ERICH6B: variants seen among roughly 807,000 people sequenced by gnomAD.
The protein encoded by ERICH6B is glutamate-rich protein 6B.
Under a neutral mutation model 80.0 loss-of-function variants are expected in ERICH6B, and 69 were observed. That is an observed-to-expected ratio of 0.86 (90% CI 0.71 to 1.05). The LOEUF is 1.05. ERICH6B is among the 50% of genes least tolerant of loss of function. ERICH6B has a pLI of 0.00. For missense variants in ERICH6B, 754 were observed against 796.1 expected (o/e 0.95, Z 0.64); for synonymous variants, 283 against 291.9 (o/e 0.97, Z 0.31).
At chr13:45,550,147 C>A in intron 12 of ERICH6B, 84 bp downstream of exon 12, 1 of 1,531,618 alleles carries the variant, frequency 6.5e-7, no homozygotes, top group South Asian at 1.2e-5. Context: ...ACACCTCAGT[C>A]AAACCCCTTA....
chr13:45,610,296 A>G (rs889096383), intron 1 of ERICH6B, among the ~76,000 whole-genome samples: 1 of 152,068 alleles, frequency 6.6e-6, no homozygotes, highest in African/African-American at 2.4e-5. Context: ...AAGTAACTCA[A>G]CAAGCAGGAG....
At chr13:45,561,934 C>T (rs17066911) in intron 10 of ERICH6B, among the ~76,000 whole-genome samples, 2,400 of 152,060 alleles carry the variant, frequency 0.016, 54 homozygotes, top group African/African-American at 0.047. Context: ...AAAAAACAGG[C>T]GAAAGTCAGG....
At chr13:45,611,758 A>G (rs1047498484) in intron 1 of ERICH6B, among the ~76,000 whole-genome samples, 3 of 152,214 alleles carry the variant, frequency 2.0e-5, no homozygotes, top group Non-Finnish European at 4.4e-5. Flanking sequence ...GAGACTGACT[A>G]TTGGGCAGAT....
intron 11 of ERICH6B, chr13:45,552,720 G>A (rs1874270234): frequency 1.3e-5 from 2 of 152,248 alleles, no homozygotes; most frequent in Non-Finnish European, 2.9e-5. Context: ...ATATTCCAGG[G>A]AAATAGAGAT....
intron 14 of ERICH6B, among the ~76,000 whole-genome samples, chr13:45,542,245 G>C (rs2985997): frequency 0.61 from 92,403 of 152,114 alleles, 30,091 homozygotes; most frequent in African/African-American, 0.84. Flanking sequence ...TGCTCCATTC[G>C]TATGCGTATG....
Position 45,596,986 on chromosome 13 carries a change from T to A in ERICH6B, c.20A>T (p.Gln7Leu), listed in dbSNP as rs1200089013. The A allele has an allele frequency of 3.2e-6, 5 of 1,545,718 alleles. No homozygotes were observed. Among genetic ancestry groups the A allele is most frequent in the Non-Finnish European group, 4.4e-6 (5 of 1,143,154 alleles). The change falls in exon 3 of 15, where the codon CAG (glutamine) becomes CTG (leucine). Residue 7 changes from glutamine (Q) to leucine (L), a missense_variant. Transcript: ENST00000298738. The stretch of plus-strand genomic sequence containing the variant: ...GTGAGGAGGTGATGCTCCTGATAAC[T>A]GATTATTTTCAGCAGACATGCTGGG... MSAENN[Q>L]LSGASPPHPP...
At chr13:45,561,669 G>A in intron 10 of ERICH6B, 143 bp from the exon 11 acceptor site, 1 of 849,242 alleles carries the variant, frequency 1.2e-6, no homozygotes, top group Non-Finnish European at 1.8e-6. Flanking sequence ...AAGGCTGTCG[G>A]GTAGTGGGAA....
rs369115067 is a variant in ERICH6B at position 45,590,681 on chromosome 13, A to G, written c.654T>C (p.Tyr218=). 5.4e-4 allele frequency: 831 copies of G among 1,551,666 alleles called. 3 individuals are homozygous for G. The highest frequency in any genetic ancestry group is 3.8e-3 in the Middle Eastern group (23 of 5,994). The change falls in exon 4 of 15, where the codon TAT becomes TAC. Residue 218 remains tyrosine, a synonymous_variant. Coordinates refer to ENST00000298738, the MANE Select transcript of ERICH6B (RefSeq NM_182542.3). ...KKYLKEPKAS[Y]SSQTMLLRDA... is the part of the protein sequence containing the mutation. Reference sequence around the variant, plus strand: ...CACGAAGAAGCATGGTTTGTGATGAATAACTTGCCTTGGGTTCTATTGGAA... The same window carrying G: ...CACGAAGAAGCATGGTTTGTGATGAGTAACTTGCCTTGGGTTCTATTGGAA...
intron 8 of ERICH6B, among the ~76,000 whole-genome samples, chr13:45,573,614 T>A (rs919709974): frequency 6.6e-6 from 1 of 152,202 alleles, no homozygotes; most frequent in Admixed American, 6.5e-5. Flanking sequence ...AATCCTTTAG[T>A]AGCAAAGTCC....
At chr13:45,604,817 C>T (rs1949847920) in intron 2 of ERICH6B, among the ~76,000 whole-genome samples, 2 of 152,032 alleles carry the variant, frequency 1.3e-5, no homozygotes, top group Admixed American at 6.6e-5. Flanking sequence ...TCCTAGCTCA[C>T]GTGGGAGGCT....
chr13:45,557,845 A>G lies in ERICH6B; in HGVS notation c.1407+3524T>C, dbSNP rs112372536. Among the ~76,000 whole-genome samples, 961 of 152,232 alleles carry G rather than the reference A, an allele frequency of 6.3e-3. 12 individuals are homozygous for G. Among genetic ancestry groups the G allele is most frequent in the African/African-American group, 0.022 (909 of 41,524 alleles). The stretch of plus-strand genomic sequence containing the variant: ...TTTGGTGACTATGGCCTCATAGTAT[A>G]GTTTGAAATCAGGTAATGTGATGCC... On this transcript the variant is annotated intron_variant, in intron 11 of 14. Coordinates refer to ENST00000298738, the MANE Select transcript of ERICH6B (RefSeq NM_182542.3).
At chr13:45,611,338 T>C (rs1454606998) in intron 1 of ERICH6B, among the ~76,000 whole-genome samples, 1 of 152,214 alleles carries the variant, frequency 6.6e-6, no homozygotes. Flanking sequence ...AAACAGAGCT[T>C]TCTTTAATAA....
At chr13:45,610,407 A>G (rs1170398253) in intron 1 of ERICH6B, among the ~76,000 whole-genome samples, 6 of 152,096 alleles carry the variant, frequency 3.9e-5, no homozygotes, top group African/African-American at 1.4e-4. Flanking sequence ...ATCTTTGAAA[A>G]TCCCTAACTT....
chr13:45,602,299 G>T (rs886418322), intron 2 of ERICH6B, among the ~76,000 whole-genome samples: 3 of 152,154 alleles, frequency 2.0e-5, no homozygotes, highest in African/African-American at 7.2e-5. Flanking sequence ...TGCTTTGTTT[G>T]CCCAGAGAGA....
At chr13:45,565,724 A>G (rs551101273) in intron 9 of ERICH6B, among the ~76,000 whole-genome samples, 1 of 152,318 alleles carries the variant, frequency 6.6e-6, no homozygotes, top group Admixed American at 6.5e-5. Flanking sequence ...TGGAACTGTA[A>G]GTCCACTAAA....
rs200372006 is a variant in ERICH6B, at chr13:45,593,588, AGTCACTT to A, written c.637+2774_637+2780del. Reference sequence around the variant, plus strand: ...AGACAACCAAGACATGGAGAGGTTAAGTCACTTGCCCAAGCTCATGCAACTAGTGAAA... The same window carrying A: ...AGACAACCAAGACATGGAGAGGTTAAGCCCAAGCTCATGCAACTAGTGAAA... On this transcript the variant is annotated intron_variant, in intron 3 of 14. Coordinates refer to ENST00000298738, the MANE Select transcript of ERICH6B (RefSeq NM_182542.3). 2.8e-3 allele frequency among the ~76,000 whole-genome samples: 425 copies of A among 152,294 alleles called. 5 individuals are homozygous for A. The East Asian group carries it at 0.031, about 11-fold the overall frequency.
rs1593325200 is a variant in ERICH6B, at chr13:45,596,899, A to G, written c.107T>C (p.Val36Ala). ...NLPSEKEDTE[V>A]ELDEESLQDE... Reference sequence around the variant, plus strand: ...CTGTAGACTTTCCTCATCTAGTTCTACTTCAGTATCCTCTTTCTCTGAAGG... The same window carrying G: ...CTGTAGACTTTCCTCATCTAGTTCTGCTTCAGTATCCTCTTTCTCTGAAGG... The change falls in exon 3 of 15, where the codon GTA (valine) becomes GCA (alanine). Residue 36 changes from valine (V) to alanine (A), a missense_variant. Physicochemically the swap from Val to Ala is moderately conservative, Grantham distance 64. Transcript: ENST00000298738. 6.4e-7 allele frequency: 1 copy of G among 1,551,776 alleles called. No individual in the cohort carries two copies. Among genetic ancestry groups the G allele is most frequent in the East Asian group, 2.4e-5 (1 of 40,912 alleles).
In ERICH6B at chr13:45,550,335, C is replaced by G; in HGVS notation, c.1408-19G>C. On this transcript the variant is annotated intron_variant, in intron 11 of 14. Transcript: ENST00000298738. ...GATGCACCTGGGAAGAAAAGACAAG[C>G]CTATGAAAAGTGTGAAAAGTACATG... is the stretch of plus-strand genomic sequence containing the variant. The G allele has an allele frequency of 6.5e-7, 1 of 1,546,012 alleles. No homozygotes were observed. The highest frequency in any genetic ancestry group is 1.2e-5 in the South Asian group (1 of 83,866).
rs1325110260 is a variant in ERICH6B at position 45,596,792 on chromosome 13, C to T, written c.214G>A (p.Glu72Lys). The change falls in exon 3 of 15, where the codon GAG becomes AAG. Residue 72 changes from glutamate to lysine, a missense_variant. Physicochemically the swap from Glu to Lys is moderately conservative, Grantham distance 56 (BLOSUM62 1). Transcript: ENST00000298738. ...LEEEEDLEEE[E>K]YLGKEEYLKE... ...AAGTATTCTTCTTTCCCCAGATACT[C>T]TTCCTCTTCCAGATCCTCTTCCTCC... is the stretch of plus-strand genomic sequence containing the variant. 2 of 1,551,774 alleles carry T rather than the reference C, an allele frequency of 1.3e-6. No homozygotes were observed. The highest frequency in any genetic ancestry group is 8.7e-7 in the Non-Finnish European group (1 of 1,146,978).
Sources: gnomAD v4.1 joint callset for allele counts (sites outside exome capture counted in the v4.1 genomes callset) on GRCh38, gnomAD v4.1.1 for gene constraint, MANE v1.5 for transcripts, NCBI Gene and HGNC (gene_info 2026-07-23, HGNC 2026-07-21) for gene names.